Variants in ZBTB7C observed in about 807,000 individuals in gnomAD.
ZBTB7C encodes zinc finger and BTB domain containing 7C.
A neutral mutation model predicts 25.7 loss-of-function variants in ZBTB7C; 8 were observed. That is an observed-to-expected ratio of 0.31 (90% CI 0.18 to 0.56). The LOEUF (loss-of-function observed/expected upper bound fraction) is 0.56. ZBTB7C is among the 20% of genes least tolerant of loss of function. The pLI, the probability that ZBTB7C is intolerant of heterozygous loss-of-function variation, is 0.91. For synonymous variants in ZBTB7C, 394 were observed against 369.0 expected (o/e 1.07, Z -0.78); for missense variants, 824 against 855.2 (o/e 0.96, Z 0.46).
chr18:48,222,206 C>G (rs569111536), intron 2 of ZBTB7C, among the ~76,000 whole-genome samples: 29 of 151,120 alleles, frequency 1.9e-4, no homozygotes, highest in African/African-American at 6.0e-4. Context: ...CTAGCCTCCC[C>G]CTATAAGCTC....
At chr18:48,106,918 T>G (rs1278581476) in intron 3 of ZBTB7C, among the ~76,000 whole-genome samples, 1 of 152,018 alleles carries the variant, frequency 6.6e-6, no homozygotes, top group Non-Finnish European at 1.5e-5. Flanking sequence ...GAAAGGAGGT[T>G]CTATATACCA....
chr18:48,148,688 C>G (rs889523988), intron 3 of ZBTB7C: 1 of 152,146 alleles, frequency 6.6e-6, no homozygotes, highest in Admixed American at 6.5e-5. Flanking sequence ...AATCTGGTGA[C>G]GAATTCTTGC....
In ZBTB7C at chr18:48,171,636, C is replaced by T. The variant is rs143132770; in HGVS notation, c.-17+14298G>A. ...ACAGAGGGCTCTCAGCAGAGGCTTC[C>T]GGAACTGTGCTTGAGTCCTAGCTTG... On this transcript the variant is annotated intron_variant, in intron 3 of 4. Transcript: ENST00000590800. Among the ~76,000 whole-genome samples, 277 of 152,366 alleles carry T rather than the reference C, an allele frequency of 1.8e-3. 1 individual carries two copies. Among genetic ancestry groups the T allele is most frequent in the African/African-American group, 5.5e-3 (230 of 41,600 alleles).
At chr18:48,150,208 G>C (rs971665992) in intron 3 of ZBTB7C, among the ~76,000 whole-genome samples, 1 of 152,140 alleles carries the variant, frequency 6.6e-6, no homozygotes, top group Non-Finnish European at 1.5e-5. Flanking sequence ...CTGAACTCAG[G>C]CCACATTCAC....
intron 2 of ZBTB7C, among the ~76,000 whole-genome samples, chr18:48,230,176 A>G (rs1297536425): frequency 6.6e-6 from 1 of 152,248 alleles, no homozygotes; most frequent in South Asian, 2.1e-4. Flanking sequence ...TCCTTCTTAC[A>G]GGCTCATCAA....
chr18:48,056,710 T>C (rs192993667), intron 3 of ZBTB7C, among the ~76,000 whole-genome samples: 1 of 152,172 alleles, frequency 6.6e-6, no homozygotes, highest in Admixed American at 6.5e-5. Flanking sequence ...AAAATAAAAC[T>C]TGTATCCCTT....
intron 2 of ZBTB7C, among the ~76,000 whole-genome samples, chr18:48,282,798 C>T (rs761988522): frequency 3.9e-5 from 6 of 152,212 alleles, no homozygotes; most frequent in Admixed American, 6.5e-5. Flanking sequence ...AGTTCAAACA[C>T]AGGCAAGATT....
At chr18:48,162,228 C>G (rs2041084241) in intron 3 of ZBTB7C, 1 of 392,894 alleles carries the variant, frequency 2.5e-6, no homozygotes, top group South Asian at 1.8e-5. Context: ...GCCTCCTTCC[C>G]TGCAGCCTTC....
intron 2 of ZBTB7C, among the ~76,000 whole-genome samples, chr18:48,282,323 A>AG (rs1335370465): frequency 2.8e-5 from 2 of 71,244 alleles, no homozygotes; most frequent in Non-Finnish European, 5.0e-5. Flanking sequence ...GGGTGGGGGG[A>AG]GGGGGGAGGG....
intron 3 of ZBTB7C, among the ~76,000 whole-genome samples, chr18:48,146,200 T>C (rs762802839): frequency 6.6e-6 from 1 of 152,228 alleles, no homozygotes; most frequent in Non-Finnish European, 1.5e-5. Context: ...GTTAAGAACA[T>C]GTGTATTAAT....
At chr18:48,054,307 A>G (rs1242910788) in intron 3 of ZBTB7C, among the ~76,000 whole-genome samples, 2 of 152,156 alleles carry the variant, frequency 1.3e-5, no homozygotes, top group Admixed American at 6.5e-5. Flanking sequence ...AGGAGATTGT[A>G]TCTCCTGACC....
chr18:48,150,581 CAAAAAAAAAAA>C (rs1362784084), intron 3 of ZBTB7C: 1 of 86,782 alleles, frequency 1.2e-5, no homozygotes, highest in East Asian at 4.2e-4. Flanking sequence ...GACTCCATCT[CAAAAAAAAAAA>C]AAAAAAAAAT....
chr18:48,395,905 T>A (rs1568423043), intron 1 of ZBTB7C, among the ~76,000 whole-genome samples: 1 of 152,160 alleles, frequency 6.6e-6, no homozygotes, highest in Non-Finnish European at 1.5e-5. Flanking sequence ...AGAAAAAAGC[T>A]TTTAGTTAAA....
intron 1 of ZBTB7C, among the ~76,000 whole-genome samples, chr18:48,341,505 C>A (rs1405172429): frequency 2.0e-5 from 3 of 152,246 alleles, no homozygotes; most frequent in Non-Finnish European, 4.4e-5. Flanking sequence ...GCTCCCACCC[C>A]ATCACCCATC....
rs1173943595 is a variant in ZBTB7C, at chr18:48,324,265, T to C, written c.-79+13909A>G. ...AATGGACCATCTAGCTGCCCTCTGA[T>C]GGGTGAGCTGGAGTCAACCCGGAGA... On this transcript the variant is annotated intron_variant, in intron 2 of 4. Transcript: ENST00000590800. Among the ~76,000 whole-genome samples the C allele has an allele frequency of 2.6e-5, 4 of 152,144 alleles. No homozygotes were observed. The South Asian group carries it at 8.3e-4, about 32-fold the overall frequency.
intron 2 of ZBTB7C, among the ~76,000 whole-genome samples, chr18:48,267,189 C>T (rs556505249): frequency 1.3e-5 from 2 of 152,204 alleles, no homozygotes; most frequent in African/African-American, 4.8e-5. Context: ...TCATCAGATA[C>T]CCCCTCAGCA....
At chr18:48,357,530 A>T (rs2047004160) in intron 1 of ZBTB7C, among the ~76,000 whole-genome samples, 1 of 152,162 alleles carries the variant, frequency 6.6e-6, no homozygotes, top group Non-Finnish European at 1.5e-5. Context: ...AGGGCCCAGG[A>T]ATTCTCCCCA....
intron 2 of ZBTB7C, among the ~76,000 whole-genome samples, chr18:48,244,568 C>G (rs1182967733): frequency 6.6e-6 from 1 of 152,084 alleles, no homozygotes; most frequent in Admixed American, 6.6e-5. Flanking sequence ...TATCCAGAAT[C>G]TACAAGGAAT....
At chr18:48,138,891 G>GT (rs1173449553) in intron 3 of ZBTB7C, among the ~76,000 whole-genome samples, 1 of 152,222 alleles carries the variant, frequency 6.6e-6, no homozygotes, top group Non-Finnish European at 1.5e-5. Context: ...TGTTTGCTGT[G>GT]TGCCCGTAAA....
Sources: allele counts gnomAD v4.1 joint callset (sites outside exome capture counted in the v4.1 genomes callset), GRCh38; gene constraint gnomAD v4.1.1; transcripts MANE v1.5; gene names NCBI Gene and HGNC (gene_info 2026-07-23, HGNC 2026-07-21).